Variants in ZNF695 observed in about 807,000 individuals in gnomAD.
The protein encoded by ZNF695 is zinc finger protein SBZF3.
ZNF695 carries 11 observed loss-of-function variants against 11.2 expected under a neutral mutation model. The ratio of observed to expected loss-of-function variants is 0.98; its 90% CI spans 0.62 to 1.62. ZNF695 has a LOEUF of 1.62. Ranked by LOEUF, ZNF695 falls within the 40% of genes most tolerant of loss-of-function variation. The pLI is 0.00. For missense variants in ZNF695, 559 were observed against 590.5 expected (o/e 0.95, Z 0.55); for synonymous variants, 190 against 201.4 (o/e 0.94, Z 0.48).
At chr1:246,968,535 T>G (rs191671703) in intron 4 of ZNF695, 3 of 152,428 alleles carry the variant, frequency 2.0e-5, no homozygotes, top group African/African-American at 7.2e-5. Flanking sequence ...ACAGTGGCCC[T>G]CTTCTCACAG....
intron 5 of ZNF695, among the ~76,000 whole-genome samples, chr1:246,947,453 G>A (rs959119512): frequency 2.0e-5 from 3 of 152,110 alleles, no homozygotes; most frequent in African/African-American, 7.2e-5. Context: ...ACAGAGAACA[G>A]TCTGTTCTAG....
chr1:246,989,797 C>T (rs1668972690), intron 3 of ZNF695, among the ~76,000 whole-genome samples: 1 of 152,100 alleles, frequency 6.6e-6, no homozygotes, highest in Non-Finnish European at 1.5e-5. Flanking sequence ...GCGAGCAGAT[C>T]GTTTGGGCTT....
At chr1:246,963,818 T>TAA (rs1240260602) in intron 5 of ZNF695, among the ~76,000 whole-genome samples, 1 of 152,134 alleles carries the variant, frequency 6.6e-6, no homozygotes, top group Admixed American at 6.5e-5. Flanking sequence ...TACCTGGAGT[T>TAA]AGAGTCAGAT....
intron 4 of ZNF695, among the ~76,000 whole-genome samples, chr1:246,978,769 G>T (rs1668630523): frequency 6.6e-6 from 1 of 152,160 alleles, no homozygotes; most frequent in Admixed American, 6.5e-5. Context: ...GGGTTGCTGG[G>T]CCTCTCCTTC....
chr1:246,956,695 A>G (rs1372411047), intron 5 of ZNF695, among the ~76,000 whole-genome samples: 2 of 152,140 alleles, frequency 1.3e-5, no homozygotes, highest in African/African-American at 2.4e-5. Flanking sequence ...AGATATCATG[A>G]AACTATTATT....
chr1:246,985,385 G>A lies in ZNF695; in HGVS notation c.*1582C>T. ...AATAATGACACTGTCATTACAAAAAGAGCAAACAGAATGAAGGTGTAACGT... is the reference window on the plus strand; with the variant it reads ...AATAATGACACTGTCATTACAAAAAAAGCAAACAGAATGAAGGTGTAACGT... On this transcript the variant is annotated 3_prime_UTR_variant, in exon 4 of 4. Coordinates refer to ENST00000339986, the MANE Select transcript of ZNF695 (RefSeq NM_020394.5). 2 of 985,190 alleles carry A rather than the reference G, an allele frequency of 2.0e-6. No homozygotes were observed. The highest frequency in any genetic ancestry group is 2.4e-6 in the Non-Finnish European group (2 of 829,808). 61.0% of individuals were successfully genotyped at this position (985,190 alleles called of 1,614,324 possible).
At chr1:246,972,850 C>A (rs540857362) in intron 4 of ZNF695, among the ~76,000 whole-genome samples, 1 of 151,654 alleles carries the variant, frequency 6.6e-6, no homozygotes, top group East Asian at 1.9e-4. Context: ...CAAAAGAACA[C>A]CGATTTCTGC....
At chr1:246,964,654 T>C (rs1031302677) in intron 5 of ZNF695, among the ~76,000 whole-genome samples, 7 of 152,130 alleles carry the variant, frequency 4.6e-5, no homozygotes, top group Non-Finnish European at 1.0e-4. Context: ...GTGGATCACT[T>C]GAGGTCAGGA....
chr1:246,974,259 G>A (rs1228526911), intron 4 of ZNF695, among the ~76,000 whole-genome samples: 1 of 152,062 alleles, frequency 6.6e-6, no homozygotes, highest in African/African-American at 2.4e-5. Context: ...TGCTGCAGGA[G>A]CACCTTACTA....
At chr1:246,953,738 C>A (rs1473314416) in intron 5 of ZNF695, among the ~76,000 whole-genome samples, 1 of 151,748 alleles carries the variant, frequency 6.6e-6, no homozygotes, top group African/African-American at 2.4e-5. Context: ...GCCTGACCAA[C>A]GTGGTAAAAA....
At chr1:246,956,476 C>T (rs1668005589) in intron 5 of ZNF695, among the ~76,000 whole-genome samples, 1 of 151,496 alleles carries the variant, frequency 6.6e-6, no homozygotes, top group Admixed American at 6.6e-5. Context: ...ATTAGCCGGG[C>T]CTGGTGGCAG....
chr1:246,946,234 T>G (rs1322765337), intron 5 of ZNF695, among the ~76,000 whole-genome samples: 1 of 152,188 alleles, frequency 6.6e-6, no homozygotes, highest in African/African-American at 2.4e-5. Context: ...TTCTGATTTT[T>G]CTTGAGTCTA....
intron 5 of ZNF695, among the ~76,000 whole-genome samples, chr1:246,957,489 T>C (rs1259899531): frequency 1.3e-5 from 2 of 152,192 alleles, no homozygotes; most frequent in African/African-American, 4.8e-5. Flanking sequence ...ATGGTTAATT[T>C]GGGTGGTAGG....
chr1:246,986,641 G>A lies in ZNF695; in HGVS notation c.*326C>T, dbSNP rs1424085875. On this transcript the variant is annotated 3_prime_UTR_variant, in exon 4 of 4. Transcript: ENST00000339986. ...GAGGTATATTTTTTGAACAAATGTT[G>A]TTTCTGCATTTATTACATTTGTAGG... 1.9e-6 allele frequency: 2 copies of A among 1,039,048 alleles called. No homozygotes were observed. The highest frequency in any genetic ancestry group is 4.5e-5 in the South Asian group (1 of 22,354). The allele number at this position is 1,039,048 out of a possible 1,614,324, so 64.4% of individuals were successfully genotyped here.
At chr1:246,972,754 G>A (rs970474727) in intron 4 of ZNF695, among the ~76,000 whole-genome samples, 1 of 151,794 alleles carries the variant, frequency 6.6e-6, no homozygotes, top group African/African-American at 2.4e-5. Context: ...TCCTGACCTT[G>A]AGTTCTACCC....
rs902709578 is a variant in ZNF695 at position 246,986,290 on chromosome 1, A to C, written c.*677T>G. ...GCCATGTTGCCCAGCCTGGTCCCAA[A>C]CTCCTGGGCTCAAGCAATCCCCCGA... is the stretch of plus-strand genomic sequence containing the variant. On this transcript the variant is annotated 3_prime_UTR_variant, in exon 4 of 4. Transcript: ENST00000339986. 4.9e-5 allele frequency: 41 copies of C among 844,718 alleles called. No individual in the cohort carries two copies. Among genetic ancestry groups the C allele is most frequent in the Non-Finnish European group, 5.8e-5 (41 of 702,164 alleles). The allele number at this position is 844,718 out of a possible 1,614,324, so 52.3% of individuals were successfully genotyped here.
At chr1:246,983,302 T>G (rs1488260979), downstream of ZNF695, among the ~76,000 whole-genome samples, 1 of 151,664 alleles carries the variant, frequency 6.6e-6, no homozygotes, top group African/African-American at 2.4e-5. Context: ...GGGGGTTGCT[T>G]GAGCGCAGGA....
chr1:246,970,665 T>C (rs545193925), intron 4 of ZNF695, among the ~76,000 whole-genome samples: 2 of 152,364 alleles, frequency 1.3e-5, no homozygotes, highest in South Asian at 4.1e-4. Context: ...GGCTGGTAAA[T>C]GTGAGTTCCT....
intron 5 of ZNF695, among the ~76,000 whole-genome samples, chr1:246,959,345 AT>A (rs1668104461): frequency 8.1e-6 from 1 of 123,640 alleles, no homozygotes; most frequent in Non-Finnish European, 1.6e-5. Context: ...ATATATATAT[AT>A]ATATAAAATC....
Sources: allele counts gnomAD v4.1 joint callset (sites outside exome capture counted in the v4.1 genomes callset), GRCh38; gene constraint gnomAD v4.1.1; transcripts MANE v1.5; gene names NCBI Gene and HGNC (gene_info 2026-07-23, HGNC 2026-07-21).